The following GLRA2 variants were observed in gnomAD, a reference collection of about 807,000 sequenced individuals.
The protein encoded by GLRA2 is glycine receptor alpha 2.
A neutral mutation model predicts 31.6 loss-of-function variants in GLRA2; 11 were observed. The observed-to-expected ratio is 0.35, with a 90% CI of 0.22 to 0.58. The LOEUF (loss-of-function observed/expected upper bound fraction) is 0.58. Among genes scored for constraint, GLRA2 ranks in the 20% least tolerant of loss-of-function variants. The probability of loss-of-function intolerance (pLI) is 0.84; values close to 1 mark genes in which losing one functional copy is unlikely to be tolerated. For missense variants in GLRA2, 212 were observed against 351.8 expected (o/e 0.60, Z 3.18); for synonymous variants, 132 against 134.0 (o/e 0.99, Z 0.10).
At chrX:14,588,287 G>A (rs748654544) in intron 4 of GLRA2, among the ~76,000 whole-genome samples, 1 of 111,748 alleles carries the variant, frequency 8.9e-6, no homozygotes, top group African/African-American at 3.3e-5. Context: ...GTAAAAGGTG[G>A]TAGTCCAGTT....
chrX:14,637,075 C>A (rs1264097929), intron 7 of GLRA2, among the ~76,000 whole-genome samples: 3 of 112,269 alleles, frequency 2.7e-5, no homozygotes, highest in Non-Finnish European at 3.8e-5. Context: ...AAATACTAGA[C>A]ACCTGGAGAG....
At chrX:14,469,690 T>A in the GLRA2 span, among the ~76,000 whole-genome samples, 1 of 69,942 alleles carries the variant, frequency 1.4e-5, no homozygotes, top group Non-Finnish European at 2.5e-5. Flanking sequence ...CTCTGGGGAC[T>A]GTTGTGGGGT....
intron 2 of GLRA2, among the ~76,000 whole-genome samples, chrX:14,537,782 C>T (rs2089345713): frequency 9.1e-6 from 1 of 109,559 alleles, no homozygotes; most frequent in African/African-American, 3.3e-5. Flanking sequence ...TAAAACAAGG[C>T]ATTATAAAAC....
At chrX:14,648,692 C>A (rs2090857961) in intron 7 of GLRA2, among the ~76,000 whole-genome samples, 1 of 111,531 alleles carries the variant, frequency 9.0e-6, no homozygotes, top group Non-Finnish European at 1.9e-5. Context: ...AGAAGGTATA[C>A]AAATGGCCAA....
At chrX:14,637,801 G>T (rs907861114) in intron 7 of GLRA2, among the ~76,000 whole-genome samples, 2 of 111,477 alleles carry the variant, frequency 1.8e-5, no homozygotes, top group African/African-American at 3.3e-5. Flanking sequence ...GCTCCCACAG[G>T]TTTCATATAA....
the GLRA2 span, among the ~76,000 whole-genome samples, chrX:14,504,384 GAC>G: frequency 9.0e-6 from 1 of 111,563 alleles, no homozygotes; most frequent in Non-Finnish European, 1.9e-5. Flanking sequence ...GAGCAAAAGA[GAC>G]ACAGAGTTGA....
At chrX:14,479,776 G>C in the GLRA2 span, among the ~76,000 whole-genome samples, 1 of 111,458 alleles carries the variant, frequency 9.0e-6, no homozygotes, top group African/African-American at 3.3e-5. Context: ...GTCCACTATT[G>C]ATGGGAACCT....
At chrX:14,516,469 T>C in the GLRA2 span, among the ~76,000 whole-genome samples, 2 of 111,621 alleles carry the variant, frequency 1.8e-5, no homozygotes, top group African/African-American at 3.3e-5. Flanking sequence ...AATTAGATGA[T>C]GTCATAGAAC....
At chrX:14,517,557 A>T in the GLRA2 span, among the ~76,000 whole-genome samples, 1 of 111,619 alleles carries the variant, frequency 9.0e-6, no homozygotes, top group African/African-American at 3.3e-5. Context: ...TCTTGTGAGA[A>T]CTCACTATCA....
At chrX:14,520,329 T>C in the GLRA2 span, among the ~76,000 whole-genome samples, 1 of 112,553 alleles carries the variant, frequency 8.9e-6, no homozygotes, top group Admixed American at 9.4e-5. Flanking sequence ...TTATTCATTA[T>C]TATCATCTTT....
the GLRA2 span, among the ~76,000 whole-genome samples, chrX:14,503,290 T>C: frequency 9.0e-6 from 1 of 111,024 alleles, no homozygotes; most frequent in African/African-American, 3.3e-5. Context: ...CCTGCTGATT[T>C]AAGGAGTTTA....
chrX:14,454,989 G>A, the GLRA2 span, among the ~76,000 whole-genome samples: 27 of 111,646 alleles, frequency 2.4e-4, no homozygotes, highest in East Asian at 7.6e-3. Context: ...GTAAATGTCA[G>A]CCTAATGTGT....
intron 8 of GLRA2, among the ~76,000 whole-genome samples, chrX:14,716,417 A>G (rs2091785876): frequency 8.9e-6 from 1 of 111,786 alleles, no homozygotes; most frequent in Non-Finnish European, 1.9e-5. Context: ...TGCAATATCC[A>G]GTCTATTTAA....
At chrX:14,476,390 G>A in the GLRA2 span, among the ~76,000 whole-genome samples, 22 of 111,871 alleles carry the variant, frequency 2.0e-4, no homozygotes, top group African/African-American at 6.5e-4. Context: ...AGCCTGCCAA[G>A]TGTACTCCAA....
Position 14,622,520 on chromosome X carries a change from T to A in GLRA2, c.930+13315T>A, listed in dbSNP as rs745932969. Among the ~76,000 whole-genome samples the A allele has an allele frequency of 8.0e-5, 9 of 112,198 alleles. No homozygotes were observed. The South Asian group carries it at 3.4e-3, about 42-fold the overall frequency. ...TTTAAGTCTTTAATCCATCTTGAAT[T>A]GATTTTTGTATAAGGTGTAAGGAAG... On this transcript the variant is annotated intron_variant, in intron 7 of 8. Coordinates refer to ENST00000218075, the MANE Select transcript of GLRA2 (RefSeq NM_002063.4).
intron 6 of GLRA2, 85 bp from the exon 7 acceptor site, chrX:14,608,900 CTTTTTT>C: frequency 7.2e-6 from 3 of 419,089 alleles, no homozygotes; most frequent in Admixed American, 4.3e-5. Flanking sequence ...CTGCAGTAGT[CTTTTTT>C]TTTTTTTTTT....
intron 2 of GLRA2, among the ~76,000 whole-genome samples, chrX:14,533,230 A>G (rs1429239109): frequency 9.0e-6 from 1 of 110,597 alleles, no homozygotes; most frequent in African/African-American, 3.3e-5. Flanking sequence ...ATAACATTTT[A>G]TAAAAGGAGA....
At position 14,530,024 on chromosome X, in the gene GLRA2, C is replaced by T. The variant is rs771532367; in HGVS notation, c.-34C>T. The T allele has an allele frequency of 5.7e-6, 6 of 1,054,861 alleles. No homozygotes were observed. In the East Asian group the frequency reaches 9.1e-5, roughly 16 times the overall value. 86.9% of individuals were successfully genotyped at this position (1,054,861 alleles called of 1,213,427 possible). A position where few individuals can be genotyped will look rare whatever the true frequency, so the allele number is the denominator to read the frequency against. ...TCCTAGCATCTTTCTGGAATCATTT[C>T]GGGATATTTTCCACAAGCAACACAG... On this transcript the variant is annotated 5_prime_UTR_variant, in exon 1 of 9. Transcript: ENST00000218075.
At chrX:14,676,860 C>T (rs2091150238) in intron 7 of GLRA2, among the ~76,000 whole-genome samples, 1 of 111,362 alleles carries the variant, frequency 9.0e-6, no homozygotes, top group Admixed American at 9.6e-5. Context: ...ATAAAACTTG[C>T]CAAAGTTTTC....
Sources: gnomAD v4.1 joint callset for allele counts (sites outside exome capture counted in the v4.1 genomes callset) on GRCh38, gnomAD v4.1.1 for gene constraint, MANE v1.5 for transcripts, NCBI Gene and HGNC (gene_info 2026-07-23, HGNC 2026-07-21) for gene names.